The following FGF12 variants were observed in gnomAD, a reference collection of about 807,000 sequenced individuals.
The protein encoded by FGF12 is fibroblast growth factor 12B.
In FGF12, 14 loss-of-function variants were observed where a neutral mutation model predicts 23.6. That is an observed-to-expected ratio of 0.59 (90% confidence interval 0.39 to 0.93). The LOEUF (loss-of-function observed/expected upper bound fraction) is 0.93. Among genes scored for constraint, FGF12 ranks in the 40% least tolerant of loss-of-function variants. The pLI, the probability that FGF12 is intolerant of heterozygous loss-of-function variation, is 0.00. For synonymous variants in FGF12, 62 were observed against 77.3 expected, an observed-to-expected ratio of 0.80 and a Z score of 1.04; for missense variants, 175 against 217.8, an observed-to-expected ratio of 0.80 and a Z score of 1.24.
intron 2 of FGF12, among the ~76,000 whole-genome samples, chr3:192,555,798 C>T (rs952501804): frequency 6.7e-6 from 1 of 148,524 alleles, no homozygotes. Context: ...AACTCCATCT[C>T]GGGGAAAAAA....
At chr3:192,517,684 A>G (rs1285066264) in intron 2 of FGF12, among the ~76,000 whole-genome samples, 1 of 152,228 alleles carries the variant, frequency 6.6e-6, no homozygotes, top group Non-Finnish European at 1.5e-5. Flanking sequence ...TGATAATAGT[A>G]AGCTCGTACT....
chr3:192,527,236 C>T (rs1724966349), intron 2 of FGF12, among the ~76,000 whole-genome samples: 1 of 152,206 alleles, frequency 6.6e-6, no homozygotes, highest in Non-Finnish European at 1.5e-5. Flanking sequence ...CAGATGCTAG[C>T]AGCCTTCCCT....
chr3:192,551,942 G>T (rs1449482772), intron 2 of FGF12, among the ~76,000 whole-genome samples: 1 of 151,858 alleles, frequency 6.6e-6, no homozygotes, highest in Non-Finnish European at 1.5e-5. Flanking sequence ...CTTAAAAGTG[G>T]ATAAATATAG....
At chr3:192,222,681 A>G (rs916757796) in intron 4 of FGF12, among the ~76,000 whole-genome samples, 3 of 152,092 alleles carry the variant, frequency 2.0e-5, no homozygotes, top group Admixed American at 6.6e-5. Flanking sequence ...TGAAAAAGGG[A>G]AAAATTCCAA....
chr3:192,203,472 T>C (rs2108664540), intron 4 of FGF12, among the ~76,000 whole-genome samples: 1 of 152,294 alleles, frequency 6.6e-6, no homozygotes, highest in East Asian at 1.9e-4. Context: ...CACATGTCTA[T>C]ATGTCTAAGG....
intron 2 of FGF12, among the ~76,000 whole-genome samples, chr3:192,461,857 G>T (rs1722871898): frequency 6.6e-6 from 1 of 152,022 alleles, no homozygotes; most frequent in Non-Finnish European, 1.5e-5. Flanking sequence ...AGGCATGGTG[G>T]TGCGTGCCTG....
At chr3:192,177,589 C>T (rs1367163803) in intron 4 of FGF12, among the ~76,000 whole-genome samples, 1 of 152,222 alleles carries the variant, frequency 6.6e-6, no homozygotes, top group Admixed American at 6.5e-5. Flanking sequence ...TTGCAGATCC[C>T]TGTTTCCTCC....
At chr3:192,578,526 A>T (rs1222405262) in intron 2 of FGF12, among the ~76,000 whole-genome samples, 4 of 152,334 alleles carry the variant, frequency 2.6e-5, no homozygotes, top group Non-Finnish European at 5.9e-5. Context: ...CCTTAATTTC[A>T]TGGCAGTTTT....
At chr3:192,669,482 G>A (rs1026450907) in intron 2 of FGF12, among the ~76,000 whole-genome samples, 1 of 151,772 alleles carries the variant, frequency 6.6e-6, no homozygotes, top group Non-Finnish European at 1.5e-5. Context: ...AGCTACTTGG[G>A]AAACTGAGGC....
chr3:192,604,125 T>C (rs1322360533), intron 2 of FGF12, among the ~76,000 whole-genome samples: 1 of 152,092 alleles, frequency 6.6e-6, no homozygotes, highest in Non-Finnish European at 1.5e-5. Flanking sequence ...AGAAGAAAAA[T>C]ATGGCTCTTT....
At chr3:192,481,794 C>T (rs571983673) in intron 2 of FGF12, among the ~76,000 whole-genome samples, 105 of 152,304 alleles carry the variant, frequency 6.9e-4, no homozygotes, top group Non-Finnish European at 1.1e-3. Flanking sequence ...ATCACGTTAT[C>T]CCCTGGTGTT....
chr3:192,599,336 C>A (rs1714011783), intron 2 of FGF12, among the ~76,000 whole-genome samples: 1 of 151,344 alleles, frequency 6.6e-6, no homozygotes, highest in African/African-American at 2.4e-5. Flanking sequence ...CTTAACTTTG[C>A]AATTTACTAA....
At chr3:192,627,720 G>C (rs1715224120) in intron 2 of FGF12, among the ~76,000 whole-genome samples, 1 of 152,130 alleles carries the variant, frequency 6.6e-6, no homozygotes. Flanking sequence ...ATAATGTAGA[G>C]AGAACCCGTG....
intron 2 of FGF12, among the ~76,000 whole-genome samples, chr3:192,567,540 C>T (rs1712357694): frequency 6.6e-6 from 1 of 152,106 alleles, no homozygotes; most frequent in Non-Finnish European, 1.5e-5. Flanking sequence ...CCACTACAGA[C>T]TTGGGGGCTT....
At chr3:192,227,963 G>A (rs1429783479) in intron 4 of FGF12, among the ~76,000 whole-genome samples, 1 of 152,080 alleles carries the variant, frequency 6.6e-6, no homozygotes, top group African/African-American at 2.4e-5. Flanking sequence ...TACTTTAAAA[G>A]TTTGTTTGTT....
intron 4 of FGF12, among the ~76,000 whole-genome samples, chr3:192,189,642 A>G (rs942609803): frequency 6.6e-6 from 1 of 152,160 alleles, no homozygotes; most frequent in African/African-American, 2.4e-5. Flanking sequence ...AACACCAGGC[A>G]TGGTGTGCAC....
At position 192,285,953 on chromosome 3, in the gene FGF12, G is replaced by A. The variant is rs76939268; in HGVS notation, c.228+49408C>T. On this transcript the variant is annotated intron_variant, in intron 4 of 5. Transcript: ENST00000445105. The stretch of plus-strand genomic sequence containing the variant: ...GCACAACCTGGTGCCTGTCCCTGAC[G>A]AGACTGCAGTTTAGGAGAGATGGAT... Among the ~76,000 whole-genome samples the A allele has an allele frequency of 5.4e-3, 825 of 152,090 alleles. 5 individuals are homozygous for A. Among genetic ancestry groups the A allele is most frequent in the Non-Finnish European group, 8.2e-3 (555 of 67,924 alleles).
At chr3:192,719,786 C>CAAAAAAAA (rs553013127) in intron 2 of FGF12, among the ~76,000 whole-genome samples, 2 of 102,372 alleles carry the variant, frequency 2.0e-5, no homozygotes, top group Admixed American at 1.0e-4. Context: ...AGACTAAGGG[C>CAAAAAAAA]AAAAAAAAAA....
Position 192,526,064 on chromosome 3 carries a change from G to A in FGF12, c.14-165526C>T, listed in dbSNP as rs535081293. On this transcript the variant is annotated intron_variant, in intron 2 of 5. Transcript: ENST00000445105. ...TGGGATTACAGCCATGAGCCACCGC[G>A]CCTGGCCTGAGTCACACTTCCATGT... Among the ~76,000 whole-genome samples, 50 of 152,270 alleles carry A rather than the reference G, an allele frequency of 3.3e-4. 1 individual carries two copies. The highest frequency in any genetic ancestry group is 6.5e-4 in the Non-Finnish European group (44 of 68,020).
Sources: gnomAD v4.1 joint callset for allele counts (sites outside exome capture counted in the v4.1 genomes callset) on GRCh38, gnomAD v4.1.1 for gene constraint, MANE v1.5 for transcripts, NCBI Gene and HGNC (gene_info 2026-07-23, HGNC 2026-07-21) for gene names.